CR2: variants seen among roughly 807,000 people sequenced by gnomAD.
CR2 encodes the protein complement receptor type 2.
CR2 carries 96 observed loss-of-function variants against 123.0 expected under a neutral mutation model. The ratio of observed to expected loss-of-function variants is 0.78; its 90% CI spans 0.66 to 0.93. CR2 has a LOEUF of 0.93. Ranked by LOEUF, CR2 falls within the 40% of genes least tolerant of loss-of-function variation. CR2 has a pLI of 0.00. For synonymous variants in CR2, 484 were observed against 469.5 expected (o/e 1.03, Z -0.40); for missense variants, 1,258 against 1,361.0 (o/e 0.92, Z 1.19).
In CR2 at chr1:207,470,754, C is replaced by T. The variant is rs1339739009; in HGVS notation, c.1240C>T (p.Pro414Ser). Residue 414 changes from proline (P) to serine (S), a missense_variant, in exon 7 of 20, where the codon CCT (proline) becomes TCT (serine). By Grantham distance (74) the Pro-to-Ser change is moderately conservative. Coordinates refer to ENST00000367057, the MANE Select transcript of CR2 (RefSeq NM_001006658.3). The part of the protein sequence containing the change: ...PVCEKECQAP[P>S]NILNGQKEDR... ...CTTTCATTTAGAATGCCAGGCCCCT[C>T]CTAACATCCTCAATGGGCAAAAGGA... is the stretch of plus-strand genomic sequence containing the variant. 27 of 1,613,828 alleles carry T rather than the reference C, an allele frequency of 1.7e-5. No homozygotes were observed. Among genetic ancestry groups the T allele is most frequent in the Middle Eastern group, 1.7e-4 (1 of 6,054 alleles).
At position 207,469,860 on chromosome 1, in the gene CR2, A is replaced by G; in HGVS notation, c.983A>G (p.Asp328Gly). The G allele has an allele frequency of 1.2e-6, 2 of 1,614,004 alleles. No individual in the cohort carries two copies. Among genetic ancestry groups the G allele is most frequent in the South Asian group, 1.1e-5 (1 of 91,076 alleles). ...IGESTLRCTVDSQKTGTWSGP... is the reference protein window; with the variant it reads ...IGESTLRCTVGSQKTGTWSGP... ...GAGAGCACTCTCCGTTGTACAGTTG[A>G]TAGTCAGAAGACTGGGACCTGGAGT... Residue 328 changes from aspartate (D) to glycine (G), a missense_variant, in exon 6 of 20, where the codon GAT becomes GGT. Physicochemically the swap from Asp to Gly is moderately conservative, Grantham distance 94 (BLOSUM62 -1). Coordinates refer to ENST00000367057, the MANE Select transcript of CR2 (RefSeq NM_001006658.3).
intron 1 of CR2, among the ~76,000 whole-genome samples, chr1:207,458,077 C>CACACACACACAT (rs1553278530): frequency 2.0e-5 from 3 of 150,194 alleles, no homozygotes. Context: ...CACACACACA[C>CACACACACACAT]ACACACACAC....
intron 1 of CR2, 122 bp from the exon 2 acceptor site, chr1:207,466,404 A>G: frequency 1.8e-6 from 2 of 1,141,986 alleles, no homozygotes; most frequent in South Asian, 2.6e-5. Context: ...TAAATAAACT[A>G]TACATATTTC....
chr1:207,466,614 C>G lies in CR2; in HGVS notation c.147C>G (p.Tyr49Ter). 6.2e-7 allele frequency: 1 copy of G among 1,614,020 alleles called. No individual in the cohort carries two copies. The highest frequency in any genetic ancestry group is 1.7e-5 in the Admixed American group (1 of 60,008). ...TTGCTGTTGGTACCGTGATAAGGTA[C>G]AGTTGTTCAGGTACCTTCCGCCTCA... ...TPIAVGTVIR[Y>*]SCSGTFRLIG... is the part of the protein sequence containing the mutation. The change falls in exon 2 of 20, where the codon TAC becomes TAG. Residue 49 changes from tyrosine (Y) to a stop codon, truncating the protein, a stop_gained. Transcript: ENST00000367057. LOFTEE classifies it high-confidence loss of function.
In CR2 at chr1:207,468,554, C is replaced by G. The variant is rs1423861343; in HGVS notation, c.473C>G (p.Pro158Arg). ...SVFPLECPAL[P>R]MIHNGHHTSE... ...TTCCCTCTCGAGTGTCCAGCACTTC[C>G]TATGATCCACAATGGACATCACACA... The change falls in exon 3 of 20, where the codon CCT (proline) becomes CGT (arginine). Residue 158 changes from proline to arginine, a missense_variant. Transcript: ENST00000367057. 6.2e-7 allele frequency: 1 copy of G among 1,613,776 alleles called. No homozygotes were observed. Among genetic ancestry groups the G allele is most frequent in the Non-Finnish European group, 8.5e-7 (1 of 1,179,912 alleles).
chr1:207,477,395 C>T (rs146429420), intron 15 of CR2, among the ~76,000 whole-genome samples: 9 of 152,248 alleles, frequency 5.9e-5, no homozygotes, highest in Admixed American at 3.3e-4. Flanking sequence ...CCTCCCATGG[C>T]GCATGGGGAT....
intron 6 of CR2, 142 bp from the exon 7 acceptor site, chr1:207,470,598 A>C (rs2102304003): frequency 3.8e-6 from 3 of 787,262 alleles, no homozygotes; most frequent in South Asian, 3.2e-5. Flanking sequence ...AAATTACCCA[A>C]AGCTGGTCTG....
rs771175429 is a variant in CR2, at chr1:207,468,901, T to C, written c.734+2T>C. The C allele has an allele frequency of 6.2e-7, 1 of 1,613,030 alleles. No homozygotes were observed. The highest frequency in any genetic ancestry group is 1.7e-5 in the Admixed American group (1 of 59,986). On this transcript the variant is annotated splice_donor_variant, in intron 4 of 19. Transcript: ENST00000367057. LOFTEE classifies it high-confidence loss of function. ...TGCAAACTTTTTCTGTGATGAAGGG[T>C]GAGTGTCAGGATTATTTATGAGATT...
chr1:207,473,890 G>A lies in CR2; in HGVS notation c.2240+5G>A. The A allele has an allele frequency of 6.2e-7, 1 of 1,612,992 alleles. No individual in the cohort carries two copies. The highest frequency in any genetic ancestry group is 8.5e-7 in the Non-Finnish European group (1 of 1,179,206). ...TAATACGTCCTGCCAAGATGGGTGA[G>A]TATGAAGTGGTCTATTCTGAGAAAA... On this transcript the variant is annotated splice_donor_5th_base_variant and intron_variant, in intron 12 of 19. Coordinates refer to ENST00000367057, the MANE Select transcript of CR2 (RefSeq NM_001006658.3).
At chr1:207,480,931 T>C (rs1658586406) in intron 18 of CR2, among the ~76,000 whole-genome samples, 2 of 151,964 alleles carry the variant, frequency 1.3e-5, no homozygotes, top group Non-Finnish European at 2.9e-5. Flanking sequence ...AAAAAAAAAT[T>C]GTGATTACAT....
intron 1 of CR2, among the ~76,000 whole-genome samples, chr1:207,466,134 C>T (rs192265400): frequency 5.9e-5 from 9 of 152,066 alleles, no homozygotes; most frequent in African/African-American, 1.9e-4. Flanking sequence ...ATTGAATGAC[C>T]GTGGGGAGTT....
intron 8 of CR2, 51 bp downstream of exon 8, chr1:207,471,138 C>T: frequency 6.5e-7 from 1 of 1,540,778 alleles, no homozygotes; most frequent in South Asian, 1.1e-5. Flanking sequence ...TCAGCACACA[C>T]TGCAGGCTCT....
intron 1 of CR2, among the ~76,000 whole-genome samples, chr1:207,456,384 G>T (rs527751168): frequency 9.2e-5 from 14 of 152,284 alleles, no homozygotes; most frequent in Middle Eastern, 6.8e-3. Context: ...TAAAATGTAG[G>T]TTCCTGGTTC....
chr1:207,474,049 C>T (rs373374430), intron 12 of CR2, among the ~76,000 whole-genome samples, 164 bp downstream of exon 12: 21 of 152,102 alleles, frequency 1.4e-4, no homozygotes, highest in African/African-American at 3.6e-4. Flanking sequence ...ACTCTTCAGT[C>T]GTCTCTTGAC....
At position 207,475,110 on chromosome 1, in the gene CR2, A is replaced by G. The variant is rs552831349; in HGVS notation, c.2610A>G (p.Ile870Met). The change falls in exon 14 of 20, where the codon ATA becomes ATG. Residue 870 changes from isoleucine to methionine, a missense_variant. Coordinates refer to ENST00000367057, the MANE Select transcript of CR2 (RefSeq NM_001006658.3). ...ATTCTGCATATTCCCACAATGACAT[A>G]GTGTATGTTGACTGCAATCCTGGCT... is the stretch of plus-strand genomic sequence containing the variant. ...KTHSAYSHND[I>M]VYVDCNPGFI... 76 of 1,612,654 alleles carry G rather than the reference A, an allele frequency of 4.7e-5. No homozygotes were observed. In the South Asian group the frequency reaches 7.9e-4, roughly 17 times the overall value.
At position 207,470,172 on chromosome 1, in the gene CR2, G is replaced by A. The variant is rs1658228262; in HGVS notation, c.1225+70G>A. The A allele has an allele frequency of 1.9e-6, 3 of 1,575,838 alleles. No individual in the cohort carries two copies. The African/African-American group carries it at 4.0e-5, about 21-fold the overall frequency. On this transcript the variant is annotated intron_variant, in intron 6 of 19. Coordinates refer to ENST00000367057, the MANE Select transcript of CR2 (RefSeq NM_001006658.3). The stretch of plus-strand genomic sequence containing the variant: ...GAAAAATTAGAAGAAGGGGTTGTGG[G>A]CTTTAGGTAGGGCCTTGTCCAGTTT...
intron 1 of CR2, among the ~76,000 whole-genome samples, chr1:207,464,832 A>G (rs1397469150): frequency 6.6e-6 from 1 of 152,178 alleles, no homozygotes; most frequent in African/African-American, 2.4e-5. Context: ...TTTCTGGGAA[A>G]TAGATATATG....
rs767276361 is a variant in CR2, at chr1:207,454,427, C to T, written c.9C>T (p.Ala3=). The change falls in exon 1 of 20, where the codon GCC becomes GCT. Residue 3 remains alanine, a synonymous_variant. Coordinates refer to ENST00000367057, the MANE Select transcript of CR2 (RefSeq NM_001006658.3). This position sits in a 1 kb window ranked among gnomAD's most constrained non-coding sequence, Gnocchi z 4.3. The part of the protein sequence containing the change: MG[A]AGLLGVFLAL... ...GGGGCTTCGGCCGTGGCATGGGCGC[C>T]GCGGGCCTGCTCGGGGTTTTCTTGG... is the stretch of plus-strand genomic sequence containing the variant. 12 of 1,584,008 alleles carry T rather than the reference C, an allele frequency of 7.6e-6. No homozygotes were observed. In the South Asian group the frequency reaches 1.2e-4, roughly 16 times the overall value.
chr1:207,480,036 A>T lies in CR2; in HGVS notation c.3171A>T (p.Ile1057=). 6.2e-7 allele frequency: 1 copy of T among 1,612,556 alleles called. No homozygotes were observed. Among genetic ancestry groups the T allele is most frequent in the South Asian group, 1.1e-5 (1 of 91,046 alleles). The change falls in exon 18 of 20, where the codon ATA becomes ATT. Residue 1057 remains isoleucine (I), a synonymous_variant. Coordinates refer to ENST00000367057, the MANE Select transcript of CR2 (RefSeq NM_001006658.3). ...TGATTGTCATTACCTTATACGTGAT[A>T]TCAAAACACAGAGCACGGTAAGTTC... ...TFLIVITLYV[I]SKHRARNYYT...
Sources: allele counts gnomAD v4.1 joint callset (sites outside exome capture counted in the v4.1 genomes callset), GRCh38; gene constraint gnomAD v4.1.1; non-coding constraint Gnocchi (gnomAD v3.1); transcripts MANE v1.5; gene names NCBI Gene and HGNC (gene_info 2026-07-23, HGNC 2026-07-21).